Variants in CDK7 observed in about 807,000 individuals in gnomAD.
CDK7 encodes the protein cyclin-dependent kinase 7.
CDK7 carries 25 observed loss-of-function variants against 49.1 expected under a neutral mutation model. The ratio of observed to expected loss-of-function variants is 0.51; its 90% CI spans 0.37 to 0.71. The LOEUF is 0.71. CDK7 is among the 30% of genes least tolerant of loss of function. CDK7 has a pLI of 0.00. For missense variants in CDK7, 316 were observed against 411.7 expected (o/e 0.77, Z 2.01); for synonymous variants, 107 against 140.0 (o/e 0.76, Z 1.67).
chr5:69,246,739 A>G (rs1162613197), intron 2 of CDK7, among the ~76,000 whole-genome samples: 1 of 150,940 alleles, frequency 6.6e-6, no homozygotes, highest in Non-Finnish European at 1.5e-5. Flanking sequence ...AGTTACAGCT[A>G]TAAACTTCCC....
In CDK7 at chr5:69,259,947, C is replaced by T. The variant is rs368299348; in HGVS notation, c.527+11C>T. The stretch of plus-strand genomic sequence containing the variant: ...TCAGGTTGTAACCAGGTAAGAATCT[C>T]TTAAAGCTACATGTGCAGGAGTTTG... On this transcript the variant is annotated intron_variant, in intron 7 of 11. Transcript: ENST00000256443. 6.7e-7 allele frequency: 1 copy of T among 1,484,972 alleles called. No homozygotes were observed. Among genetic ancestry groups the T allele is most frequent in the African/African-American group, 1.4e-5 (1 of 72,556 alleles). The allele number at this position is 1,484,972 out of a possible 1,614,324, so 92.0% of individuals were successfully genotyped here.
chr5:69,254,766 A>G, intron 4 of CDK7, 97 bp downstream of exon 4: 1 of 730,766 alleles, frequency 1.4e-6, no homozygotes, highest in Middle Eastern at 2.5e-4. Flanking sequence ...CTTGTTCTGG[A>G]TGAGCCTTGT....
At chr5:69,261,267 T>A (rs527757647) in intron 7 of CDK7, among the ~76,000 whole-genome samples, 22 of 152,336 alleles carry the variant, frequency 1.4e-4, no homozygotes, top group African/African-American at 5.3e-4. Flanking sequence ...CAGGAACTCA[T>A]AGAAACAGGG....
At chr5:69,238,569 G>A (rs1749159397) in intron 2 of CDK7, among the ~76,000 whole-genome samples, 1 of 151,786 alleles carries the variant, frequency 6.6e-6, no homozygotes, top group Non-Finnish European at 1.5e-5. Context: ...TTACAGGTGT[G>A]AGCCCCTGTA....
chr5:69,263,700 G>C (rs1487332206), intron 8 of CDK7, among the ~76,000 whole-genome samples: 2 of 152,164 alleles, frequency 1.3e-5, no homozygotes, highest in African/African-American at 4.8e-5. Context: ...CCTGAACATA[G>C]AGTATACCAG....
At chr5:69,276,855 T>A (rs987884083) in intron 11 of CDK7, among the ~76,000 whole-genome samples, 165 bp downstream of exon 11, 4 of 152,260 alleles carry the variant, frequency 2.6e-5, no homozygotes, top group African/African-American at 7.2e-5. Flanking sequence ...TTAGGTATGT[T>A]TACTTTCATT....
intron 4 of CDK7, 96 bp from the exon 5 acceptor site, chr5:69,255,364 T>C: frequency 1.5e-6 from 1 of 681,614 alleles, no homozygotes; most frequent in South Asian, 2.0e-5. Context: ...TTACCAACAG[T>C]TTAAATGCTT....
intron 4 of CDK7, 66 bp from the exon 5 acceptor site, chr5:69,255,394 C>A: frequency 1.2e-6 from 1 of 829,768 alleles, no homozygotes; most frequent in Non-Finnish European, 1.9e-6. Flanking sequence ...TTAAAAATTG[C>A]CTCAGTTGCT....
intron 2 of CDK7, among the ~76,000 whole-genome samples, chr5:69,236,319 A>T (rs1236503009): frequency 6.6e-6 from 1 of 152,122 alleles, no homozygotes; most frequent in Non-Finnish European, 1.5e-5. Flanking sequence ...CTTCAAAACA[A>T]TCTATAAAGT....
chr5:69,264,610 G>A (rs1017206765), intron 8 of CDK7, among the ~76,000 whole-genome samples: 2 of 152,074 alleles, frequency 1.3e-5, no homozygotes, highest in Non-Finnish European at 2.9e-5. Flanking sequence ...GAAAATGGAG[G>A]GTAGGAAATC....
chr5:69,243,489 T>G (rs1475313731), intron 2 of CDK7, among the ~76,000 whole-genome samples: 5 of 152,214 alleles, frequency 3.3e-5, no homozygotes, highest in African/African-American at 1.2e-4. Context: ...TTCTGTTCCA[T>G]TGGTCTGTGT....
At chr5:69,269,138 C>G in intron 8 of CDK7, 69 bp from the exon 9 acceptor site, 3 of 991,462 alleles carry the variant, frequency 3.0e-6, no homozygotes, top group Admixed American at 4.6e-5. Context: ...GACTCTGTCT[C>G]TCTAAAAAAA....
At chr5:69,256,901 T>C (rs1374606702) in intron 5 of CDK7, among the ~76,000 whole-genome samples, 3 of 151,870 alleles carry the variant, frequency 2.0e-5, no homozygotes. Context: ...CAGAATTCAG[T>C]TGGTACAGAT....
chr5:69,245,598 C>CCTAAAGT (rs1323637772), intron 2 of CDK7, among the ~76,000 whole-genome samples: 2 of 152,106 alleles, frequency 1.3e-5, no homozygotes, highest in East Asian at 3.9e-4. Context: ...GCCTCAGCCT[C>CCTAAAGT]CTAAAGTGCT....
intron 2 of CDK7, among the ~76,000 whole-genome samples, chr5:69,244,669 C>T (rs982115307): frequency 2.7e-5 from 4 of 148,668 alleles, no homozygotes; most frequent in African/African-American, 7.4e-5. Context: ...ATCATATCGT[C>T]TACAAACAAG....
chr5:69,259,936 G>C lies in CDK7; in HGVS notation c.527G>C (p.Arg176Thr). The change falls in exon 7 of 12, where the codon AGG (arginine) becomes ACG (threonine). Residue 176 changes from arginine to threonine, a missense_variant and splice_region_variant. Transcript: ENST00000256443. ...NRAYTHQVVTRWYRAPELLFG... is the reference protein window; with the variant it reads ...NRAYTHQVVTTWYRAPELLFG... ...GCTTATACACATCAGGTTGTAACCA[G>C]GTAAGAATCTCTTAAAGCTACATGT... 1 of 1,574,426 alleles carries C rather than the reference G, an allele frequency of 6.4e-7. No homozygotes were observed. The highest frequency in any genetic ancestry group is 8.7e-7 in the Non-Finnish European group (1 of 1,144,682).
chr5:69,255,769 A>G (rs1283268803), intron 5 of CDK7: 3 of 514,490 alleles, frequency 5.8e-6, no homozygotes, highest in Admixed American at 3.3e-5. Flanking sequence ...CTAAGTTCCC[A>G]TAGCTAGTTG....
At chr5:69,267,190 G>T (rs1751212072) in intron 8 of CDK7, among the ~76,000 whole-genome samples, 1 of 149,648 alleles carries the variant, frequency 6.7e-6, no homozygotes, top group Non-Finnish European at 1.5e-5. Context: ...TTCAACATAT[G>T]ATTCATTTTA....
intron 2 of CDK7, among the ~76,000 whole-genome samples, chr5:69,247,574 A>G (rs1363328657): frequency 6.6e-6 from 1 of 150,920 alleles, no homozygotes; most frequent in Admixed American, 6.6e-5. Context: ...GCCCATTTAT[A>G]TTCAGTGATA....
Sources: gnomAD v4.1 joint callset for allele counts (sites outside exome capture counted in the v4.1 genomes callset) on GRCh38, gnomAD v4.1.1 for gene constraint, MANE v1.5 for transcripts, NCBI Gene and HGNC (gene_info 2026-07-23, HGNC 2026-07-21) for gene names.